Variants in EXT1 observed in about 807,000 individuals in gnomAD.
The protein encoded by EXT1 is exostosin glycosyltransferase 1.
Under a neutral mutation model 82.5 loss-of-function variants are expected in EXT1, and 20 were observed. The ratio of observed to expected loss-of-function variants is 0.24; its 90% CI spans 0.17 to 0.35. The LOEUF (loss-of-function observed/expected upper bound fraction) is 0.35, where lower values mean the gene tolerates loss of function less well. Among genes scored for constraint, EXT1 ranks in the 10% least tolerant of loss-of-function variants. The pLI, the probability that EXT1 is intolerant of heterozygous loss-of-function variation, is 1.00. For synonymous variants in EXT1, 348 were observed against 350.8 expected (o/e 0.99, Z 0.09); for missense variants, 757 against 936.5 (o/e 0.81, Z 2.50).
intron 1 of EXT1, among the ~76,000 whole-genome samples, chr8:117,941,576 G>A (rs1474591233): frequency 1.3e-5 from 2 of 151,952 alleles, no homozygotes; most frequent in African/African-American, 4.9e-5. Context: ...GCCACACACA[G>A]CGCAGAAAGG....
rs372575361 is a variant in EXT1 at position 117,867,260 on chromosome 8, G to GAAAAAAAAA, written c.963-30068_963-30060dup. 8.6e-4 allele frequency among the ~76,000 whole-genome samples: 85 copies of GAAAAAAAAA among 98,878 alleles called. 4 individuals carry two copies. Among genetic ancestry groups the GAAAAAAAAA allele is most frequent in the South Asian group, 1.2e-3 (3 of 2,572 alleles). The allele number at this position is 98,878 out of a possible 152,430, so 64.9% of individuals were successfully genotyped here. On this transcript the variant is annotated intron_variant, in intron 1 of 10. Transcript: ENST00000378204. ...GGCGACAGAGTGAGACTCCACCTCA[G>GAAAAAAAAA]AAAAAAAAAAAAAGCTTGAGGAAAT...
chr8:117,858,762 A>C (rs151095775), intron 1 of EXT1, among the ~76,000 whole-genome samples: 5,210 of 49,976 alleles, frequency 0.1, 369 homozygotes, highest in African/African-American at 0.16. Flanking sequence ...GGAAGGAAGG[A>C]AGGAAGGCAG....
chr8:118,001,760 AT>A (rs1156296964), intron 1 of EXT1, among the ~76,000 whole-genome samples: 3 of 151,970 alleles, frequency 2.0e-5, no homozygotes, highest in African/African-American at 7.3e-5. Context: ...GAAATTCAGG[AT>A]TTTTTTTCTC....
chr8:118,088,034 T>C (rs1213068392), intron 1 of EXT1, among the ~76,000 whole-genome samples: 1 of 151,810 alleles, frequency 6.6e-6, no homozygotes, highest in Non-Finnish European at 1.5e-5. Context: ...AAGTTAATAC[T>C]GTTTGAAGCC....
chr8:117,890,896 C>G (rs944009839), intron 1 of EXT1, among the ~76,000 whole-genome samples: 2 of 152,172 alleles, frequency 1.3e-5, no homozygotes, highest in African/African-American at 4.8e-5. Flanking sequence ...GAAAGAGAAC[C>G]AGACATAATG....
intron 7 of EXT1, among the ~76,000 whole-genome samples, chr8:117,818,234 A>G (rs952413358): frequency 6.6e-6 from 1 of 152,210 alleles, no homozygotes; most frequent in African/African-American, 2.4e-5. Context: ...CAAAGCTATA[A>G]AAGAGTTGGT....
Position 118,030,476 on chromosome 8 carries a change from G to A in EXT1, c.962+79609C>T, listed in dbSNP as rs529625596. On this transcript the variant is annotated intron_variant, in intron 1 of 10. Transcript: ENST00000378204. Reference sequence around the variant, plus strand: ...TACAGTTTAGAAAGAGAAATTAGAGGGTTTTTTTTGTTTGTTTGTTTTTTA... The same window carrying A: ...TACAGTTTAGAAAGAGAAATTAGAGAGTTTTTTTTGTTTGTTTGTTTTTTA... Among the ~76,000 whole-genome samples, 359 of 117,052 alleles carry A rather than the reference G, an allele frequency of 3.1e-3. 2 individuals carry two copies. Among genetic ancestry groups the A allele is most frequent in the African/African-American group, 0.016 (334 of 20,368 alleles). 76.8% of individuals were successfully genotyped at this position (117,052 alleles called of 152,430 possible). A position where few individuals can be genotyped will look rare whatever the true frequency, so the allele number is the denominator to read the frequency against.
At chr8:118,075,610 G>A (rs972027918) in intron 1 of EXT1, among the ~76,000 whole-genome samples, 9 of 152,086 alleles carry the variant, frequency 5.9e-5, no homozygotes, top group Non-Finnish European at 1.2e-4. Context: ...CCATTCTTGC[G>A]TTGCTATGAA....
At position 118,080,928 on chromosome 8, in the gene EXT1, A is replaced by G. The variant is rs1457656831; in HGVS notation, c.962+29157T>C. Among the ~76,000 whole-genome samples, 11 of 152,274 alleles carry G rather than the reference A, an allele frequency of 7.2e-5. No homozygotes were observed. In the East Asian group the frequency reaches 1.5e-3, roughly 21 times the overall value. Reference sequence around the variant, plus strand: ...CAGCTTCCTCATAACCCTACTCTTCAGCAGGCAGATAAGACCATTAACTCT... The same window carrying G: ...CAGCTTCCTCATAACCCTACTCTTCGGCAGGCAGATAAGACCATTAACTCT... On this transcript the variant is annotated intron_variant, in intron 1 of 10. Transcript: ENST00000378204.
intron 1 of EXT1, among the ~76,000 whole-genome samples, chr8:117,900,496 G>A (rs750450442): frequency 6.6e-6 from 1 of 152,192 alleles, no homozygotes; most frequent in African/African-American, 2.4e-5. Flanking sequence ...TAGGGCTGAT[G>A]CCATGAAATA....
At chr8:117,819,890 T>C in intron 5 of EXT1, 96 bp from the exon 6 acceptor site, 4 of 1,117,206 alleles carry the variant, frequency 3.6e-6, no homozygotes, top group South Asian at 1.3e-5. Flanking sequence ...CTGGAGCAAA[T>C]GTTCCCTCCT....
intron 8 of EXT1, among the ~76,000 whole-genome samples, chr8:117,811,990 T>C (rs1407249368): frequency 6.6e-6 from 1 of 152,132 alleles, no homozygotes; most frequent in African/African-American, 2.4e-5. Flanking sequence ...CAGCAGGCCA[T>C]TAGAACTAGA....
At chr8:118,023,285 G>C (rs1338992500) in intron 1 of EXT1, among the ~76,000 whole-genome samples, 1 of 152,144 alleles carries the variant, frequency 6.6e-6, no homozygotes, top group East Asian at 1.9e-4. Flanking sequence ...AACATTACTA[G>C]GATATAAACA....
chr8:117,896,366 T>C (rs1813335536), intron 1 of EXT1, among the ~76,000 whole-genome samples: 1 of 152,102 alleles, frequency 6.6e-6, no homozygotes, highest in Non-Finnish European at 1.5e-5. Flanking sequence ...TACATACAAC[T>C]CTCTCTTTCA....
chr8:117,898,364 G>A (rs916917559), intron 1 of EXT1, among the ~76,000 whole-genome samples: 1 of 152,160 alleles, frequency 6.6e-6, no homozygotes, highest in African/African-American at 2.4e-5. Flanking sequence ...GCCTGGGGAT[G>A]TTCTAGATGT....
intron 1 of EXT1, among the ~76,000 whole-genome samples, chr8:117,927,748 C>A (rs1237800222): frequency 6.6e-6 from 1 of 152,310 alleles, no homozygotes; most frequent in Non-Finnish European, 1.5e-5. Context: ...GTGACCCATA[C>A]GGTGACACTA....
chr8:118,061,102 T>C (rs948984109), intron 1 of EXT1, among the ~76,000 whole-genome samples: 80 of 152,212 alleles, frequency 5.3e-4, no homozygotes, highest in African/African-American at 1.9e-3. Context: ...GGTAAGTTAA[T>C]TCCCTTCTCC....
intron 1 of EXT1, among the ~76,000 whole-genome samples, chr8:117,936,617 G>A (rs1814169187): frequency 6.6e-6 from 1 of 152,190 alleles, no homozygotes; most frequent in African/African-American, 2.4e-5. Flanking sequence ...GCTCACGCTT[G>A]TAATCCCAGC....
chr8:118,101,733 A>G lies in EXT1; in HGVS notation c.962+8352T>C, dbSNP rs1051156751. On this transcript the variant is annotated intron_variant, in intron 1 of 10. Coordinates refer to ENST00000378204, the MANE Select transcript of EXT1 (RefSeq NM_000127.3). Reference sequence around the variant, plus strand: ...CTTCAAAGGCCCCCTGGCAGGACCAATTAACACCTACAAATGTTTATCTAG... The same window carrying G: ...CTTCAAAGGCCCCCTGGCAGGACCAGTTAACACCTACAAATGTTTATCTAG... 4.6e-5 allele frequency among the ~76,000 whole-genome samples: 7 copies of G among 152,204 alleles called. 1 individual carries two copies. The highest frequency in any genetic ancestry group is 1.7e-4 in the African/African-American group (7 of 41,438).
Sources: allele counts gnomAD v4.1 joint callset (sites outside exome capture counted in the v4.1 genomes callset), GRCh38; gene constraint gnomAD v4.1.1; transcripts MANE v1.5; gene names NCBI Gene and HGNC (gene_info 2026-07-23, HGNC 2026-07-21).